DIAPH3: variants seen among roughly 807,000 people sequenced by gnomAD.
The protein encoded by DIAPH3 is protein diaphanous homolog 3.
DIAPH3 carries 117 observed loss-of-function variants against 144.3 expected under a neutral mutation model. The observed-to-expected ratio is 0.81, with a 90% confidence interval of 0.70 to 0.95. The LOEUF is 0.95. Ranked by LOEUF, DIAPH3 falls within the 40% of genes least tolerant of loss-of-function variation. The pLI, the probability that DIAPH3 is intolerant of heterozygous loss-of-function variation, is 0.00. For synonymous variants in DIAPH3, 519 were observed against 488.9 expected, an observed-to-expected ratio of 1.06 and a Z score of -0.81; for missense variants, 1,421 against 1,412.7, an observed-to-expected ratio of 1.01 and a Z score of -0.09.
intron 27 of DIAPH3, among the ~76,000 whole-genome samples, chr13:59,760,801 G>A (rs774300589): frequency 6.6e-6 from 1 of 152,084 alleles, no homozygotes; most frequent in Middle Eastern, 3.2e-3. Flanking sequence ...GTTTTCTTTG[G>A]TATATTTCAG....
At chr13:59,875,690 C>T (rs2044580054) in intron 21 of DIAPH3, among the ~76,000 whole-genome samples, 1 of 152,018 alleles carries the variant, frequency 6.6e-6, no homozygotes, top group Admixed American at 6.6e-5. Flanking sequence ...CTTTGACCAC[C>T]AAAAAGTCAA....
intron 27 of DIAPH3, among the ~76,000 whole-genome samples, chr13:59,669,569 CGGATGTGACTTTTGCTT>C (rs994452165): frequency 1.1e-4 from 16 of 152,280 alleles, no homozygotes; most frequent in East Asian, 9.7e-4. Context: ...AGGTGAGTGA[CGGATGTGACTTTTGCTT>C]GGATGTGACT....
chr13:59,971,044 A>T lies in DIAPH3; in HGVS notation c.1767T>A (p.Pro589=), dbSNP rs1566591186. The T allele has an allele frequency of 5.6e-6, 9 of 1,613,506 alleles. No homozygotes were observed. Among genetic ancestry groups the T allele is most frequent in the Non-Finnish European group, 7.6e-6 (9 of 1,179,850 alleles). The change falls in exon 16 of 28, where the codon CCT becomes CCA. Residue 589 remains proline, a synonymous_variant. Coordinates refer to ENST00000400324, the MANE Select transcript of DIAPH3 (RefSeq NM_001042517.2). ...GAGGAGGTGGTGGGGGAGGAGGTGG[A>T]GGCGGCACCCCTCCACCAGAAGGCA... ...PPLPSGGGVP[P]PPPPPPPPPL...
intron 18 of DIAPH3, among the ~76,000 whole-genome samples, chr13:59,917,272 A>C (rs1040019139): frequency 1.3e-5 from 2 of 152,170 alleles, no homozygotes; most frequent in African/African-American, 4.8e-5. Context: ...TAAAAGCAGA[A>C]TATAAGGAAC....
At chr13:60,132,181 C>T (rs2059160467) in intron 2 of DIAPH3, among the ~76,000 whole-genome samples, 1 of 152,112 alleles carries the variant, frequency 6.6e-6, no homozygotes, top group African/African-American at 2.4e-5. Flanking sequence ...TTGTATTCTG[C>T]CTTACCCAGG....
At chr13:59,686,294 G>C (rs971537999) in intron 27 of DIAPH3, among the ~76,000 whole-genome samples, 2 of 152,048 alleles carry the variant, frequency 1.3e-5, no homozygotes, top group African/African-American at 4.8e-5. Flanking sequence ...CTAGTTCTAA[G>C]CTGTAAATTT....
At chr13:59,879,633 T>C (rs2044874583) in intron 20 of DIAPH3, among the ~76,000 whole-genome samples, 165 bp from the exon 21 acceptor site, 2 of 152,176 alleles carry the variant, frequency 1.3e-5, no homozygotes, top group East Asian at 3.8e-4. Flanking sequence ...CTTGTTTTTG[T>C]AAGGAATCCA....
intron 4 of DIAPH3, among the ~76,000 whole-genome samples, chr13:60,053,035 A>G (rs1249312175): frequency 1.3e-5 from 2 of 150,864 alleles, no homozygotes; most frequent in Non-Finnish European, 3.0e-5. Flanking sequence ...TTAAAGAAAT[A>G]GGAAATAGAC....
At position 60,093,696 on chromosome 13, in the gene DIAPH3, A is replaced by G. The variant is rs779138755; in HGVS notation, c.427T>C (p.Leu143=). Residue 143 remains leucine, a synonymous_variant, in exon 4 of 28, where the codon TTG becomes CTG. Coordinates refer to ENST00000400324, the MANE Select transcript of DIAPH3 (RefSeq NM_001042517.2). ...MNLNEDKKAP[L]REKDFSIKKE... The stretch of plus-strand genomic sequence containing the variant: ...TTGATACTGAAGTCCTTTTCCCGCA[A>G]TGGTGCCTTTTTATCTTCATTTAAA... 2.5e-6 allele frequency: 4 copies of G among 1,612,748 alleles called. No individual in the cohort carries two copies. Among genetic ancestry groups the G allele is most frequent in the Admixed American group, 1.7e-5 (1 of 59,998 alleles).
intron 21 of DIAPH3, among the ~76,000 whole-genome samples, chr13:59,866,034 G>A (rs2043898168): frequency 6.6e-6 from 1 of 151,876 alleles, no homozygotes; most frequent in Non-Finnish European, 1.5e-5. Flanking sequence ...TTTAGATGCT[G>A]TGGACATTAG....
At chr13:60,045,174 C>A (rs2055983119) in intron 4 of DIAPH3, among the ~76,000 whole-genome samples, 2 of 151,980 alleles carry the variant, frequency 1.3e-5, no homozygotes, top group Non-Finnish European at 2.9e-5. Context: ...AAACCCATCT[C>A]TACTAAAAGT....
chr13:59,970,862 T>G lies in DIAPH3; in HGVS notation c.1949A>C (p.Asn650Thr). 6.2e-7 allele frequency: 1 copy of G among 1,612,620 alleles called. No homozygotes were observed. The highest frequency in any genetic ancestry group is 1.3e-5 in the African/African-American group (1 of 75,040). ...FKPEISMRRL[N>T]WLKIRPHEMT... is the part of the protein sequence containing the mutation. ...ATTAATTTCTTTTACCTTTAACCAA[T>G]TCAATCTTCTCATGCTGATTTCAGG... is the stretch of plus-strand genomic sequence containing the variant. The change falls in exon 16 of 28, where the codon AAT (asparagine) becomes ACT (threonine). Residue 650 changes from asparagine to threonine, a missense_variant. Asn to Thr is a moderately conservative substitution (Grantham distance 65). Transcript: ENST00000400324.
At chr13:59,901,593 T>C (rs1337526969) in intron 20 of DIAPH3, among the ~76,000 whole-genome samples, 1 of 152,156 alleles carries the variant, frequency 6.6e-6, no homozygotes, top group Non-Finnish European at 1.5e-5. Context: ...CCAATAAAAA[T>C]ATATGACAAA....
intron 27 of DIAPH3, among the ~76,000 whole-genome samples, chr13:59,692,096 T>G (rs2033554666): frequency 6.6e-6 from 1 of 151,832 alleles, no homozygotes; most frequent in South Asian, 2.1e-4. Context: ...AACTTATTTT[T>G]TTAATTACTT....
rs116895065 is a variant in DIAPH3, at chr13:59,954,780, C to T, written c.2074+15164G>A. On this transcript the variant is annotated intron_variant, in intron 17 of 27. Coordinates refer to ENST00000400324, the MANE Select transcript of DIAPH3 (RefSeq NM_001042517.2). ...GCCAGTACATCCTATATGACTGAAG[C>T]AGGAGGAAAAGGGAGTGAAGGGGAA... is the stretch of plus-strand genomic sequence containing the variant. Among the ~76,000 whole-genome samples, 26 of 152,056 alleles carry T rather than the reference C, an allele frequency of 1.7e-4. 1 individual carries two copies. The East Asian group carries it at 4.7e-3, about 27-fold the overall frequency.
chr13:59,874,036 T>A (rs1023815180), intron 21 of DIAPH3, among the ~76,000 whole-genome samples: 1 of 152,190 alleles, frequency 6.6e-6, no homozygotes, highest in African/African-American at 2.4e-5. Context: ...TGGTGTTGGT[T>A]AATTTTCATT....
At chr13:59,882,251 G>A (rs1362065300) in intron 20 of DIAPH3, among the ~76,000 whole-genome samples, 2 of 151,984 alleles carry the variant, frequency 1.3e-5, no homozygotes, top group African/African-American at 4.8e-5. Flanking sequence ...ACCACGCCCG[G>A]CTAATTTTTT....
chr13:59,815,262 A>G (rs75552178), intron 24 of DIAPH3, among the ~76,000 whole-genome samples: 3,256 of 152,240 alleles, frequency 0.021, 86 homozygotes, highest in East Asian at 0.12. Flanking sequence ...TGTCTCTAAG[A>G]ATAATACTCT....
In DIAPH3 at chr13:59,863,360, C is replaced by G. The variant is rs538505744; in HGVS notation, c.2608-1824G>C. Among the ~76,000 whole-genome samples the G allele has an allele frequency of 4.6e-5, 7 of 152,212 alleles. No homozygotes were observed. In the South Asian group the frequency reaches 1.5e-3, roughly 32 times the overall value. ...AAGGCATACCTAATTGGGCACAGTA[C>G]TACTTACTTGCTTCCTTTCCAAGAA... On this transcript the variant is annotated intron_variant, in intron 21 of 27. Transcript: ENST00000400324.
Sources: allele counts gnomAD v4.1 joint callset (sites outside exome capture counted in the v4.1 genomes callset), GRCh38; gene constraint gnomAD v4.1.1; transcripts MANE v1.5; gene names NCBI Gene and HGNC (gene_info 2026-07-23, HGNC 2026-07-21).